SOX5: variants seen among roughly 807,000 people sequenced by gnomAD.
SOX5 encodes the protein transcription factor SOX-5.
SOX5 carries 9 observed loss-of-function variants against 92.0 expected under a neutral mutation model. That is an observed-to-expected ratio of 0.10 (90% CI 0.06 to 0.17). The LOEUF is 0.17. Among genes scored for constraint, SOX5 ranks in the 10% least tolerant of loss-of-function variants. The pLI, the probability that SOX5 is intolerant of heterozygous loss-of-function variation, is 1.00. For synonymous variants in SOX5, 344 were observed against 336.3 expected, an observed-to-expected ratio of 1.02 and a Z score of -0.25; for missense variants, 642 against 944.5, an observed-to-expected ratio of 0.68 and a Z score of 4.20.
At chr12:23,617,586 G>T (rs2076714886) in intron 8 of SOX5, among the ~76,000 whole-genome samples, 1 of 152,136 alleles carries the variant, frequency 6.6e-6, no homozygotes, top group Admixed American at 6.5e-5. Context: ...TGTTAGGAGG[G>T]TGTGAAGACA....
intron 4 of SOX5, among the ~76,000 whole-genome samples, chr12:24,057,472 A>G (rs1160713716): frequency 6.6e-6 from 1 of 152,148 alleles, no homozygotes; most frequent in Non-Finnish European, 1.5e-5. Context: ...ATTTTAAACT[A>G]TTTTAAATGA....
chr12:23,670,963 G>T (rs772138017), intron 6 of SOX5, among the ~76,000 whole-genome samples: 3 of 152,110 alleles, frequency 2.0e-5, no homozygotes, highest in African/African-American at 2.4e-5. Context: ...CCAGCATTCA[G>T]GGGAAGAGAA....
At chr12:24,540,362 A>G (rs1472932119) in intron 1 of SOX5, among the ~76,000 whole-genome samples, 1 of 152,108 alleles carries the variant, frequency 6.6e-6, no homozygotes, top group African/African-American at 2.4e-5. Context: ...GTTCAAATGT[A>G]TTTTACCATG....
At chr12:24,225,715 G>A (rs1961777581) in intron 3 of SOX5, among the ~76,000 whole-genome samples, 1 of 152,082 alleles carries the variant, frequency 6.6e-6, no homozygotes, top group South Asian at 2.1e-4. Context: ...TTCCTATGAT[G>A]GTGTTATATT....
intron 1 of SOX5, among the ~76,000 whole-genome samples, chr12:23,917,824 T>A (rs1348800849): frequency 6.6e-6 from 1 of 152,134 alleles, no homozygotes; most frequent in Non-Finnish European, 1.5e-5. Context: ...TATTATATAT[T>A]GTGATTAGCA....
At position 23,535,839 on chromosome 12, in the gene SOX5, A is replaced by G. The variant is rs532508430; in HGVS notation, c.1988+614T>C. 6.6e-5 allele frequency among the ~76,000 whole-genome samples: 10 copies of G among 152,350 alleles called. No homozygotes were observed. In the South Asian group the frequency reaches 2.1e-3, roughly 32 times the overall value. ...TATTTTGGGTTTTTGAGAGAATTCT[A>G]TAGAAGCAATGCATTTCTGTAGCCC... is the stretch of plus-strand genomic sequence containing the variant. On this transcript the variant is annotated intron_variant, in intron 14 of 14. Transcript: ENST00000451604.
chr12:24,463,512 AT>A (rs1943876721), intron 1 of SOX5, among the ~76,000 whole-genome samples: 1 of 152,196 alleles, frequency 6.6e-6, no homozygotes, highest in Non-Finnish European at 1.5e-5. Flanking sequence ...CCAGTTTTAA[AT>A]TTCTAAACGC....
In SOX5 at chr12:24,003,545, TTTCA is replaced by T. The variant is rs552591627; in HGVS notation, c.-1-107525_-1-107522del. ...ATATAAAAATGAAATAAGAAAATAA[TTTCA>T]TTAACAATTGCATCAAAAAGAATAA... is the stretch of plus-strand genomic sequence containing the variant. On this transcript the variant is annotated intron_variant, in intron 4 of 4. Transcript: ENST00000446891. 1.7e-3 allele frequency among the ~76,000 whole-genome samples: 266 copies of T among 152,050 alleles called. 1 individual carries two copies. The highest frequency in any genetic ancestry group is 5.9e-3 in the African/African-American group (246 of 41,530).
chr12:23,792,772 T>G (rs1389933716), intron 3 of SOX5, among the ~76,000 whole-genome samples: 2 of 151,634 alleles, frequency 1.3e-5, no homozygotes, highest in Non-Finnish European at 2.9e-5. Flanking sequence ...GACCTCATCA[T>G]CTGTTGTGGT....
intron 4 of SOX5, among the ~76,000 whole-genome samples, chr12:23,755,323 A>G (rs1414826018): frequency 6.6e-6 from 1 of 151,818 alleles, no homozygotes; most frequent in Non-Finnish European, 1.5e-5. Context: ...TGCTATAGGT[A>G]CATTCTTACT....
rs538359887 is a variant in SOX5 at position 24,403,685 on chromosome 12, T to C, written c.-250-35046A>G. On this transcript the variant is annotated intron_variant, in intron 1 of 4. Coordinates refer to the SOX5 transcript ENST00000446891. ...AAGCTTATTTACATGGCCAACAGTC[T>C]ACTTTACTTAAAATCACGGTTAGAT... Among the ~76,000 whole-genome samples, 26 of 152,350 alleles carry C rather than the reference T, an allele frequency of 1.7e-4. No individual in the cohort carries two copies. In the South Asian group the frequency reaches 3.9e-3, roughly 23 times the overall value.
chr12:24,364,622 T>C (rs1955982806), intron 2 of SOX5, among the ~76,000 whole-genome samples: 1 of 150,368 alleles, frequency 6.7e-6, no homozygotes, highest in South Asian at 2.1e-4. Flanking sequence ...TGACTGATAC[T>C]ACTATGGAGA....
At chr12:24,346,727 A>G (rs953899628) in intron 2 of SOX5, among the ~76,000 whole-genome samples, 2 of 152,170 alleles carry the variant, frequency 1.3e-5, no homozygotes, top group African/African-American at 2.4e-5. Flanking sequence ...CTCGGATTAC[A>G]GGCATCAGTT....
intron 9 of SOX5, among the ~76,000 whole-genome samples, chr12:23,583,525 ACC>A (rs1950318835): frequency 6.6e-6 from 1 of 152,116 alleles, no homozygotes; most frequent in Non-Finnish European, 1.5e-5. Context: ...ACTTTGTTTA[ACC>A]TCTGGTCCCC....
chr12:24,121,443 C>T (rs1361180838), intron 4 of SOX5, among the ~76,000 whole-genome samples: 1 of 151,922 alleles, frequency 6.6e-6, no homozygotes, highest in Non-Finnish European at 1.5e-5. Flanking sequence ...TTTGCTGAAA[C>T]CGAACAGGAA....
chr12:24,409,921 C>T (rs1233816921), intron 1 of SOX5, among the ~76,000 whole-genome samples: 1 of 151,990 alleles, frequency 6.6e-6, no homozygotes, highest in Non-Finnish European at 1.5e-5. Context: ...GGTTTGCAAA[C>T]ACTTTTATTC....
rs570708388 is a variant in SOX5 at position 23,674,712 on chromosome 12, C to T, written c.811-9148G>A. On this transcript the variant is annotated intron_variant, in intron 6 of 14. Coordinates refer to ENST00000451604, the MANE Select transcript of SOX5 (RefSeq NM_006940.6). ...TTTTATACCAAGGGTCGCATTTTTACTGATTTTAATTTTCATCTTTATATT... is the reference window on the plus strand; with the variant it reads ...TTTTATACCAAGGGTCGCATTTTTATTGATTTTAATTTTCATCTTTATATT... Among the ~76,000 whole-genome samples, 355 of 152,018 alleles carry T rather than the reference C, an allele frequency of 2.3e-3. 3 individuals are homozygous for T. Among genetic ancestry groups the T allele is most frequent in the African/African-American group, 8.2e-3 (338 of 41,468 alleles).
intron 6 of SOX5, among the ~76,000 whole-genome samples, chr12:23,670,010 C>T (rs912303774): frequency 4.6e-5 from 7 of 152,142 alleles, no homozygotes; most frequent in African/African-American, 1.7e-4. Context: ...TTAACACCAT[C>T]TGGGTTCCAA....
chr12:24,462,804 T>A (rs769792101), intron 1 of SOX5, among the ~76,000 whole-genome samples: 1 of 152,212 alleles, frequency 6.6e-6, no homozygotes, highest in Non-Finnish European at 1.5e-5. Flanking sequence ...TGAATTCAGA[T>A]AAATTTTAAT....
Sources: allele counts gnomAD v4.1 joint callset (sites outside exome capture counted in the v4.1 genomes callset), GRCh38; gene constraint gnomAD v4.1.1; transcripts MANE v1.5; gene names NCBI Gene and HGNC (gene_info 2026-07-23, HGNC 2026-07-21).